DTL: variants seen among roughly 807,000 people sequenced by gnomAD.
DTL encodes denticleless protein homolog.
A neutral mutation model predicts 87.0 loss-of-function variants in DTL; 46 were observed. The ratio of observed to expected loss-of-function variants is 0.53; its 90% CI spans 0.42 to 0.68. The LOEUF (loss-of-function observed/expected upper bound fraction) is 0.68, where lower values mean the gene tolerates loss of function less well. Among genes scored for constraint, DTL ranks in the 30% least tolerant of loss-of-function variants. DTL has a pLI of 0.00. For synonymous variants in DTL, 308 were observed against 311.2 expected (o/e 0.99, Z 0.11); for missense variants, 737 against 869.4 (o/e 0.85, Z 1.91).
chr1:212,090,675 C>T (rs765082304), intron 13 of DTL, among the ~76,000 whole-genome samples: 1 of 152,186 alleles, frequency 6.6e-6, no homozygotes, highest in African/African-American at 2.4e-5. Flanking sequence ...GTCCTATTTA[C>T]TAAGTTTGAT....
chr1:212,084,226 A>T, intron 13 of DTL, among the ~76,000 whole-genome samples: 1 of 145,304 alleles, frequency 6.9e-6, no homozygotes, highest in Non-Finnish European at 1.5e-5. Context: ...TTTTGAGACA[A>T]AGTCTCACTC....
At chr1:212,072,378 C>T (rs1346182214) in intron 11 of DTL, among the ~76,000 whole-genome samples, 165 bp downstream of exon 11, 2 of 152,190 alleles carry the variant, frequency 1.3e-5, no homozygotes, top group Non-Finnish European at 1.5e-5. Context: ...AAACCTTACT[C>T]TACTACAGAA....
chr1:212,066,965 A>G (rs1278323656), intron 8 of DTL, 80 bp downstream of exon 8: 7 of 1,192,694 alleles, frequency 5.9e-6, no homozygotes, highest in Non-Finnish European at 8.6e-6. Flanking sequence ...TCTCATTATA[A>G]TTGAATGTGT....
intron 5 of DTL, among the ~76,000 whole-genome samples, chr1:212,060,660 A>G (rs1654250290): frequency 6.6e-6 from 1 of 151,406 alleles, no homozygotes; most frequent in African/African-American, 2.4e-5. Context: ...GCTTGAGCAC[A>G]GGAGGCAGAA....
chr1:212,040,669 T>C (rs950523383), intron 1 of DTL, among the ~76,000 whole-genome samples: 1 of 152,146 alleles, frequency 6.6e-6, no homozygotes, highest in Non-Finnish European at 1.5e-5. Context: ...CTTCCAACTA[T>C]GTGACAGACA....
intron 6 of DTL, among the ~76,000 whole-genome samples, 196 bp downstream of exon 6, chr1:212,063,145 G>A (rs1055829992): frequency 6.6e-6 from 1 of 151,942 alleles, no homozygotes; most frequent in Non-Finnish European, 1.5e-5. Context: ...ACTGTTACAA[G>A]TATTACACTC....
chr1:212,089,149 CT>C (rs1393100646), intron 13 of DTL, among the ~76,000 whole-genome samples: 1 of 152,294 alleles, frequency 6.6e-6, no homozygotes, highest in East Asian at 1.9e-4. Context: ...AAGGAACTGA[CT>C]TTAGGAAGCA....
intron 1 of DTL, among the ~76,000 whole-genome samples, chr1:212,041,230 C>T (rs952117316): frequency 4.6e-5 from 7 of 152,108 alleles, no homozygotes; most frequent in Non-Finnish European, 1.5e-5. Flanking sequence ...ACCAATCACT[C>T]ACCATTCATT....
intron 13 of DTL, among the ~76,000 whole-genome samples, chr1:212,091,736 G>A (rs1285273079): frequency 6.6e-6 from 1 of 152,144 alleles, no homozygotes; most frequent in African/African-American, 2.4e-5. Context: ...TTAAAAAGTT[G>A]AACTCATAGG....
intron 13 of DTL, among the ~76,000 whole-genome samples, chr1:212,084,224 C>CAA (rs1251414451): frequency 6.8e-6 from 1 of 146,558 alleles, no homozygotes. Flanking sequence ...TTTTTTGAGA[C>CAA]AAAGTCTCAC....
chr1:212,058,220 C>T (rs1250093516), intron 5 of DTL, among the ~76,000 whole-genome samples: 1 of 152,140 alleles, frequency 6.6e-6, no homozygotes, highest in Non-Finnish European at 1.5e-5. Flanking sequence ...GAGATATTTA[C>T]AGAACATTTC....
At chr1:212,046,560 C>T (rs1053082002) in intron 3 of DTL, among the ~76,000 whole-genome samples, 1 of 152,084 alleles carries the variant, frequency 6.6e-6, no homozygotes, top group Non-Finnish European at 1.5e-5. Context: ...TCTGTTTGTG[C>T]ATTAGTTTGC....
In DTL at chr1:212,035,806, G is replaced by A. The variant is rs368919987; in HGVS notation, c.-85G>A. ...GTTGGAGGCGATAACGATTTGTGTT[G>A]TGAGAGGCGCAAGCTGCGATTTCTG... is the stretch of plus-strand genomic sequence containing the variant. On this transcript the variant is annotated 5_prime_UTR_variant, in exon 1 of 15. The change creates a new upstream start codon in the 5' untranslated region. Transcript: ENST00000366991. The A allele has an allele frequency of 1.7e-5, 23 of 1,354,842 alleles. No individual in the cohort carries two copies. Among genetic ancestry groups the A allele is most frequent in the East Asian group, 2.4e-5 (1 of 41,724 alleles). The allele number at this position is 1,354,842 out of a possible 1,614,324, so 83.9% of individuals were successfully genotyped here.
chr1:212,056,288 G>T (rs530514136), intron 5 of DTL, among the ~76,000 whole-genome samples: 1 of 152,300 alleles, frequency 6.6e-6, no homozygotes, highest in South Asian at 2.1e-4. Context: ...CACCACTGGG[G>T]CCTGAAGACT....
chr1:212,078,187 G>T lies in DTL; in HGVS notation c.1050G>T (p.Trp350Cys). ...GATTGGACTAGGTCTCCACACCCTG[G>T]CAACCTCCTACTGTGCTCCTGGGTC... ...AAYIWKVSTP[W>C]QPPTVLLGHS... Residue 350 changes from tryptophan to cysteine, a missense_variant, in exon 12 of 15, where the codon TGG (tryptophan) becomes TGT (cysteine). Coordinates refer to ENST00000366991, the MANE Select transcript of DTL (RefSeq NM_016448.4). 1.2e-6 allele frequency: 2 copies of T among 1,610,188 alleles called. No individual in the cohort carries two copies. Among genetic ancestry groups the T allele is most frequent in the Non-Finnish European group, 1.7e-6 (2 of 1,176,656 alleles).
intron 1 of DTL, among the ~76,000 whole-genome samples, chr1:212,042,417 C>T (rs1489934293): frequency 2.0e-5 from 3 of 152,226 alleles, no homozygotes; most frequent in Non-Finnish European, 1.5e-5. Flanking sequence ...GGGGTAGGTA[C>T]ATAACACTTC....
intron 13 of DTL, among the ~76,000 whole-genome samples, chr1:212,097,487 T>C (rs1655485701): frequency 6.6e-6 from 1 of 152,170 alleles, no homozygotes; most frequent in South Asian, 2.1e-4. Context: ...CAAAATTCTT[T>C]CTTCTACTTG....
chr1:212,054,247 A>G (rs1236108306), intron 5 of DTL, among the ~76,000 whole-genome samples: 2 of 152,118 alleles, frequency 1.3e-5, no homozygotes, highest in African/African-American at 2.4e-5. Context: ...AGCTGTCTCC[A>G]GGTTTTCCCC....
chr1:212,080,955 C>G (rs1265033243), intron 13 of DTL, among the ~76,000 whole-genome samples: 1 of 152,054 alleles, frequency 6.6e-6, no homozygotes, highest in Non-Finnish European at 1.5e-5. Flanking sequence ...TGGATTTATT[C>G]AACAAATATT....
Sources: gnomAD v4.1 joint callset for allele counts (sites outside exome capture counted in the v4.1 genomes callset) on GRCh38, gnomAD v4.1.1 for gene constraint, MANE v1.5 for transcripts, NCBI Gene and HGNC (gene_info 2026-07-23, HGNC 2026-07-21) for gene names.